The following NAV2 variants were observed in gnomAD, a reference collection of about 807,000 sequenced individuals.
NAV2 encodes neuron navigator 2.
In NAV2, 54 loss-of-function variants were observed where a neutral mutation model predicts 223.2. The ratio of observed to expected loss-of-function variants is 0.24; its 90% confidence interval spans 0.19 to 0.30. NAV2 has a LOEUF of 0.30. NAV2 is among the 10% of genes least tolerant of loss of function. The probability of loss-of-function intolerance (pLI) is 1.00; values close to 1 mark genes in which losing one functional copy is unlikely to be tolerated. For synonymous variants in NAV2, 1,279 were observed against 1,239.3 expected (o/e 1.03, Z -0.67); for missense variants, 2,806 against 3,147.5 (o/e 0.89, Z 2.60).
intron 1 of NAV2, among the ~76,000 whole-genome samples, chr11:19,484,908 C>A (rs2042392281): frequency 1.3e-5 from 2 of 152,198 alleles, no homozygotes; most frequent in Admixed American, 6.5e-5. Context: ...GAGGGAGGAC[C>A]CTGTGTGGTG....
intron 1 of NAV2, among the ~76,000 whole-genome samples, chr11:19,426,506 C>A (rs1850835165): frequency 6.6e-6 from 1 of 152,188 alleles, no homozygotes. Flanking sequence ...AAGATATTCC[C>A]TTGCCAAGCA....
chr11:19,620,511 T>C (rs1160134727), intron 1 of NAV2, among the ~76,000 whole-genome samples: 4 of 152,210 alleles, frequency 2.6e-5, no homozygotes, highest in Non-Finnish European at 5.9e-5. Flanking sequence ...TATTTTATTC[T>C]CTTTGAAGCA....
At chr11:20,041,646 A>G (rs1452253485) in intron 12 of NAV2, among the ~76,000 whole-genome samples, 4 of 152,206 alleles carry the variant, frequency 2.6e-5, no homozygotes, top group African/African-American at 9.6e-5. Context: ...GAGGTTAATG[A>G]TTTATACTTG....
At chr11:19,523,792 T>C (rs1430739809) in intron 1 of NAV2, among the ~76,000 whole-genome samples, 1 of 152,160 alleles carries the variant, frequency 6.6e-6, no homozygotes, top group Non-Finnish European at 1.5e-5. Flanking sequence ...TCACTCTCTA[T>C]ACCCCAGTGT....
At chr11:19,969,945 C>CA (rs775674042) in intron 10 of NAV2, among the ~76,000 whole-genome samples, 5,474 of 109,050 alleles carry the variant, frequency 0.05, 337 homozygotes, top group African/African-American at 0.17. Context: ...GACTCTGTCT[C>CA]AAAAAAAAAA....
At chr11:19,944,467 T>G (rs1008393201) in intron 8 of NAV2, among the ~76,000 whole-genome samples, 1 of 151,764 alleles carries the variant, frequency 6.6e-6, no homozygotes, top group African/African-American at 2.4e-5. Flanking sequence ...CTTTCTTTCT[T>G]TTCTCTTCTT....
At chr11:19,736,916 C>T (rs2052362328) in intron 1 of NAV2, among the ~76,000 whole-genome samples, 1 of 152,174 alleles carries the variant, frequency 6.6e-6, no homozygotes, top group Non-Finnish European at 1.5e-5. Flanking sequence ...GGGGCCCCTA[C>T]CAGGGGAAAA....
intron 1 of NAV2, among the ~76,000 whole-genome samples, chr11:19,472,994 A>C (rs1363319745): frequency 6.6e-6 from 1 of 152,224 alleles, no homozygotes; most frequent in Non-Finnish European, 1.5e-5. Flanking sequence ...ATGAGAAGAC[A>C]GAGGATCCAT....
At chr11:19,949,122 G>T (rs747494458) in intron 10 of NAV2, 42 bp downstream of exon 10, 89 of 1,533,590 alleles carry the variant, frequency 5.8e-5, no homozygotes, top group Non-Finnish European at 7.3e-5. Context: ...GAGAAAGAGG[G>T]CTTGGCACCT....
intron 1 of NAV2, among the ~76,000 whole-genome samples, chr11:19,580,483 G>A (rs375568035): frequency 6.6e-6 from 1 of 152,188 alleles, no homozygotes; most frequent in Non-Finnish European, 1.5e-5. Flanking sequence ...TGCTTGCTCA[G>A]GTCTCTCTTC....
At chr11:19,667,377 G>A (rs1348280969) in intron 1 of NAV2, among the ~76,000 whole-genome samples, 5 of 152,214 alleles carry the variant, frequency 3.3e-5, no homozygotes, top group African/African-American at 7.2e-5. Flanking sequence ...ATTACAATGT[G>A]TATCTGACTA....
rs562821013 is a variant in NAV2, at chr11:19,539,504, T to C, written c.75+188477T>C. On this transcript the variant is annotated intron_variant, in intron 1 of 37. Transcript: ENST00000360655. Reference sequence around the variant, plus strand: ...TATTAATCTTATTTCATTGTAAGAATGTATACAATTTTTCACTCCCTGTTA... The same window carrying C: ...TATTAATCTTATTTCATTGTAAGAACGTATACAATTTTTCACTCCCTGTTA... Among the ~76,000 whole-genome samples, 5 of 152,384 alleles carry C rather than the reference T, an allele frequency of 3.3e-5. No individual in the cohort carries two copies. In the South Asian group the frequency reaches 6.2e-4, roughly 19 times the overall value.
chr11:19,985,856 G>A (rs1565704416), intron 11 of NAV2, among the ~76,000 whole-genome samples: 1 of 152,088 alleles, frequency 6.6e-6, no homozygotes. Context: ...GATTACAGGC[G>A]TGAGCCACTG....
At chr11:19,792,346 C>G (rs2057579599) in intron 1 of NAV2, among the ~76,000 whole-genome samples, 1 of 152,164 alleles carries the variant, frequency 6.6e-6, no homozygotes, top group African/African-American at 2.4e-5. Context: ...GGGGCATTGC[C>G]CCCTCCTCCT....
intron 1 of NAV2, among the ~76,000 whole-genome samples, chr11:19,785,151 A>G (rs2057013347): frequency 6.6e-6 from 1 of 152,228 alleles, no homozygotes; most frequent in African/African-American, 2.4e-5. Context: ...TGGAAAGTAG[A>G]GTCCAGGACT....
chr11:19,599,165 T>G (rs1170987297), intron 1 of NAV2, among the ~76,000 whole-genome samples: 7 of 152,186 alleles, frequency 4.6e-5, no homozygotes, highest in African/African-American at 7.2e-5. Context: ...CTTGTCTTTC[T>G]CTCTTTCCTC....
chr11:19,932,853 G>A (rs896573030), intron 6 of NAV2, among the ~76,000 whole-genome samples: 9 of 152,188 alleles, frequency 5.9e-5, no homozygotes, highest in African/African-American at 2.2e-4. Flanking sequence ...ATTGAAAACG[G>A]TAGGTATTTC....
At chr11:19,467,282 G>A (rs781119730) in intron 1 of NAV2, among the ~76,000 whole-genome samples, 11 of 152,036 alleles carry the variant, frequency 7.2e-5, no homozygotes, top group Non-Finnish European at 1.2e-4. Context: ...TGAGTATACC[G>A]TAATTTAACA....
At chr11:19,430,798 C>T (rs531739034) in intron 1 of NAV2, among the ~76,000 whole-genome samples, 1 of 152,330 alleles carries the variant, frequency 6.6e-6, no homozygotes, top group East Asian at 1.9e-4. Context: ...AATTCATCTA[C>T]AGATGTCCGT....
Sources: allele counts gnomAD v4.1 joint callset (sites outside exome capture counted in the v4.1 genomes callset), GRCh38; gene constraint gnomAD v4.1.1; transcripts MANE v1.5; gene names NCBI Gene and HGNC (gene_info 2026-07-23, HGNC 2026-07-21).